UGT1A5: variants seen among roughly 807,000 people sequenced by gnomAD.
UGT1A5 encodes the protein UDP glucuronosyltransferase family 1 member A5.
UGT1A5 carries 29 observed loss-of-function variants against 40.3 expected under a neutral mutation model. That is an observed-to-expected ratio of 0.72 (90% CI 0.54 to 0.98). The LOEUF (loss-of-function observed/expected upper bound fraction) is 0.98. Ranked by LOEUF, UGT1A5 falls within the 50% of genes least tolerant of loss-of-function variation. The probability of loss-of-function intolerance (pLI) is 0.00; values close to 1 mark genes in which losing one functional copy is unlikely to be tolerated. For synonymous variants in UGT1A5, 257 were observed against 262.5 expected (o/e 0.98, Z 0.20); for missense variants, 678 against 677.9 (o/e 1.00, Z 0.00).
At chr2:233,722,046 G>GT (rs1419489243) in intron 1 of UGT1A5, 1 of 233,802 alleles carries the variant, frequency 4.3e-6, no homozygotes, top group East Asian at 1.2e-4. Flanking sequence ...ATTTTGTGGT[G>GT]TTTCTGGGTC....
At position 233,747,735 on chromosome 2, in the gene UGT1A5, A is replaced by G. The variant is rs890289369; in HGVS notation, c.868-19299A>G. 5 of 1,613,242 alleles carry G rather than the reference A, an allele frequency of 3.1e-6. No individual in the cohort carries two copies. The African/African-American group carries it at 4.0e-5, about 13-fold the overall frequency. On this transcript the variant is annotated intron_variant, in intron 1 of 4. Coordinates refer to ENST00000373414, the MANE Select transcript of UGT1A5 (RefSeq NM_019078.2). ...AATTCCTGCTGTGTTTTTTTTGAGGAACATTCCATGTGATTTAGACTTTAA... is the reference window on the plus strand; with the variant it reads ...AATTCCTGCTGTGTTTTTTTTGAGGGACATTCCATGTGATTTAGACTTTAA...
At chr2:233,739,740 T>C (rs541880710) in intron 1 of UGT1A5, among the ~76,000 whole-genome samples, 25 of 152,316 alleles carry the variant, frequency 1.6e-4, no homozygotes, top group Non-Finnish European at 3.2e-4. Context: ...AGATGAGACC[T>C]TGGACTATGG....
intron 1 of UGT1A5, chr2:233,742,002 T>G (rs999682670): frequency 2.6e-5 from 4 of 151,956 alleles, no homozygotes; most frequent in African/African-American, 9.7e-5. Context: ...ACAGATACAC[T>G]TGGCTTTCAT....
intron 1 of UGT1A5, among the ~76,000 whole-genome samples, chr2:233,764,036 G>A (rs905956037): frequency 6.6e-6 from 1 of 152,136 alleles, no homozygotes; most frequent in South Asian, 2.1e-4. Flanking sequence ...TGCTAAAGAA[G>A]AATTCTGGGA....
Position 233,766,262 on chromosome 2 carries a change from C to T in UGT1A5, c.868-772C>T, listed in dbSNP as rs34353734. On this transcript the variant is annotated intron_variant, in intron 1 of 4. Coordinates refer to ENST00000373414, the MANE Select transcript of UGT1A5 (RefSeq NM_019078.2). ...CCCCTGGAGTCAGACCGCTCAGTGG[C>T]CCGGGCTCGGTGGCCCGGGCTCGGT... is the stretch of plus-strand genomic sequence containing the variant. Among the ~76,000 whole-genome samples, 215 of 68,078 alleles carry T rather than the reference C, an allele frequency of 3.2e-3. 2 individuals carry two copies. Among genetic ancestry groups the T allele is most frequent in the African/African-American group, 0.015 (204 of 13,924 alleles). 44.7% of individuals were successfully genotyped at this position (68,078 alleles called of 152,430 possible).
chr2:233,755,169 T>C lies in UGT1A5; in HGVS notation c.868-11865T>C, dbSNP rs555147500. 5.0e-4 allele frequency: 628 copies of C among 1,267,204 alleles called. 1 individual carries two copies. The highest frequency in any genetic ancestry group is 1.5e-3 in the Admixed American group (80 of 52,468). The allele number at this position is 1,267,204 out of a possible 1,614,324, so 78.5% of individuals were successfully genotyped here. The stretch of plus-strand genomic sequence containing the variant: ...CGCTTCCTCCCTGTCCTCGGGGTTT[T>C]TGTCGGGGTGCCACTTGAGCGCCAG... On this transcript the variant is annotated intron_variant, in intron 1 of 4. Transcript: ENST00000373414.
Position 233,772,347 on chromosome 2 carries a change from T to A in UGT1A5, c.1393T>A (p.Phe465Ile), listed in dbSNP as rs1700509286. 9.9e-6 allele frequency: 16 copies of A among 1,614,210 alleles called. No individual in the cohort carries two copies. The highest frequency in any genetic ancestry group is 1.4e-5 in the Non-Finnish European group (16 of 1,180,042). ...GGACCTGGCCGTGTTCTGGGTGGAG[T>A]TTGTGATGAGGCACAAGGGCGCGCC... is the stretch of plus-strand genomic sequence containing the variant. ...PLDLAVFWVE[F>I]VMRHKGAPHL... The change falls in exon 5 of 5, where the codon TTT becomes ATT. Residue 465 changes from phenylalanine (F) to isoleucine (I), a missense_variant. Coordinates refer to ENST00000373414, the MANE Select transcript of UGT1A5 (RefSeq NM_019078.2).
At chr2:233,743,962 C>G (rs189644754) in intron 1 of UGT1A5, 1 of 1,331,618 alleles carries the variant, frequency 7.5e-7, no homozygotes, top group Non-Finnish European at 1.0e-6. Flanking sequence ...CAGCGAGCGG[C>G]AAGGCTGCCA....
chr2:233,721,672 C>T, intron 1 of UGT1A5: 1 of 278,988 alleles, frequency 3.6e-6, no homozygotes, highest in South Asian at 3.5e-5. Context: ...AGGGTTAATC[C>T]AATAATGAGC....
At chr2:233,731,933 C>A (rs562066404) in intron 1 of UGT1A5, among the ~76,000 whole-genome samples, 9 of 152,358 alleles carry the variant, frequency 5.9e-5, no homozygotes, top group Admixed American at 1.3e-4. Flanking sequence ...TCTCCACATC[C>A]TCTCCAACAT....
chr2:233,731,071 A>T (rs1317636951), intron 1 of UGT1A5, among the ~76,000 whole-genome samples: 1 of 151,958 alleles, frequency 6.6e-6, no homozygotes, highest in Admixed American at 6.6e-5. Flanking sequence ...CATGATTTAG[A>T]TCCTTTTGTA....
In UGT1A5 at chr2:233,772,298, C is replaced by G; in HGVS notation, c.1344C>G (p.His448Gln). ...KENIMRLSSL[H>Q]KDRPVEPLDL... ...ACATCATGCGCCTCTCCAGCCTTCACAAGGACCGCCCGGTGGAGCCGCTGG... is the reference window on the plus strand; with the variant it reads ...ACATCATGCGCCTCTCCAGCCTTCAGAAGGACCGCCCGGTGGAGCCGCTGG... The change falls in exon 5 of 5, where the codon CAC becomes CAG. Residue 448 changes from histidine (H) to glutamine (Q), a missense_variant. By Grantham distance (24) the His-to-Gln change is conservative. Coordinates refer to ENST00000373414, the MANE Select transcript of UGT1A5 (RefSeq NM_019078.2). The G allele has an allele frequency of 1.9e-6, 3 of 1,614,234 alleles. No homozygotes were observed. The highest frequency in any genetic ancestry group is 8.5e-7 in the Non-Finnish European group (1 of 1,180,048).
At chr2:233,715,777 A>C (rs1241643049) in intron 1 of UGT1A5, among the ~76,000 whole-genome samples, 12 of 152,166 alleles carry the variant, frequency 7.9e-5, no homozygotes, top group Admixed American at 1.3e-4. Context: ...ATCTCAAAAA[A>C]ATAAAAATTT....
chr2:233,713,515 A>G lies in UGT1A5; in HGVS notation c.524A>G (p.Asn175Ser), dbSNP rs2125634439. The change falls in exon 1 of 5, where the codon AAC becomes AGC. Residue 175 changes from asparagine to serine, a missense_variant. By Grantham distance (46) the Asn-to-Ser change is conservative (BLOSUM62 1). Transcript: ENST00000373414. ...LSIPAVFFLR[N>S]IPCDLDFKGT... Reference sequence around the variant, plus strand: ...ATTCCTGCTGTGTTTTTCTTGAGGAACATTCCATGTGATTTAGACTTTAAG... The same window carrying G: ...ATTCCTGCTGTGTTTTTCTTGAGGAGCATTCCATGTGATTTAGACTTTAAG... 1 of 1,613,910 alleles carries G rather than the reference A, an allele frequency of 6.2e-7. No homozygotes were observed.
At chr2:233,735,447 G>A (rs1470432521) in intron 1 of UGT1A5, among the ~76,000 whole-genome samples, 4 of 152,136 alleles carry the variant, frequency 2.6e-5, no homozygotes, top group Non-Finnish European at 5.9e-5. Flanking sequence ...ATACCGATGG[G>A]CCTTGACTCT....
intron 1 of UGT1A5, among the ~76,000 whole-genome samples, chr2:233,732,245 G>A (rs1417876377): frequency 2.0e-5 from 3 of 152,190 alleles, no homozygotes; most frequent in Non-Finnish European, 4.4e-5. Context: ...TAGGTTGCCT[G>A]TTCACTCTGA....
At position 233,772,459 on chromosome 2, in the gene UGT1A5, C is replaced by G. The variant is rs1268705566; in HGVS notation, c.1505C>G (p.Thr502Arg). The change falls in exon 5 of 5, where the codon ACA becomes AGA. Residue 502 changes from threonine to arginine, a missense_variant. Coordinates refer to ENST00000373414, the MANE Select transcript of UGT1A5 (RefSeq NM_019078.2). ...VIGFLLAVVL[T>R]VAFITFKCCA... is the part of the protein sequence containing the mutation. Reference sequence around the variant, plus strand: ...GGTTTCCTCTTGGCCGTCGTGCTGACAGTGGCCTTCATCACCTTTAAATGT... The same window carrying G: ...GGTTTCCTCTTGGCCGTCGTGCTGAGAGTGGCCTTCATCACCTTTAAATGT... 5 of 1,614,074 alleles carry G rather than the reference C, an allele frequency of 3.1e-6. No individual in the cohort carries two copies. In the Admixed American group the frequency reaches 8.3e-5, roughly 27 times the overall value.
At chr2:233,745,475 T>C (rs1213140846) in intron 1 of UGT1A5, among the ~76,000 whole-genome samples, 1 of 151,692 alleles carries the variant, frequency 6.6e-6, no homozygotes, top group African/African-American at 2.4e-5. Context: ...GGAAAATGAT[T>C]AACCAAAGAA....
At chr2:233,743,984 C>A in intron 1 of UGT1A5, 1 of 1,291,724 alleles carries the variant, frequency 7.7e-7, no homozygotes, top group South Asian at 1.3e-5. Context: ...CACCCAGGCG[C>A]AGGCCCGAGT....
Sources: allele counts gnomAD v4.1 joint callset (sites outside exome capture counted in the v4.1 genomes callset), GRCh38; gene constraint gnomAD v4.1.1; transcripts MANE v1.5; gene names NCBI Gene and HGNC (gene_info 2026-07-23, HGNC 2026-07-21).